The following MISP variants were observed in gnomAD, a reference collection of about 807,000 sequenced individuals.
The protein encoded by MISP is mitotic interactor and substrate of PLK1.
Under a neutral mutation model 49.3 loss-of-function variants are expected in MISP, and 51 were observed. The ratio of observed to expected loss-of-function variants is 1.03; its 90% CI spans 0.83 to 1.31. The LOEUF is 1.31. MISP is among the 50% of genes most tolerant of loss of function. The pLI, the probability that MISP is intolerant of heterozygous loss-of-function variation, is 0.00. For missense variants in MISP, 1,084 were observed against 935.1 expected (o/e 1.16, Z -2.08); for synonymous variants, 444 against 392.6 (o/e 1.13, Z -1.55).
At chr19:749,202 G>A (rs530192421), upstream of MISP, among the ~76,000 whole-genome samples, 3 of 152,266 alleles carry the variant, frequency 2.0e-5, no homozygotes, top group East Asian at 1.9e-4. Flanking sequence ...GGCGTGGGAC[G>A]TCTCCACAGT....
At chr19:754,762 G>A (rs1473151289) in intron 1 of MISP, among the ~76,000 whole-genome samples, 1 of 152,236 alleles carries the variant, frequency 6.6e-6, no homozygotes, top group East Asian at 1.9e-4. Flanking sequence ...AGCAGAGGAA[G>A]CCGTGGAGAA....
intron 1 of MISP, among the ~76,000 whole-genome samples, chr19:753,385 T>C (rs1351192341): frequency 6.6e-6 from 1 of 151,166 alleles, no homozygotes; most frequent in East Asian, 1.9e-4. Context: ...TTTTTTCTTT[T>C]TTTCTTTTTT....
Position 757,603 on chromosome 19 carries a change from C to A in MISP, c.657C>A (p.Thr219=). 1.9e-6 allele frequency: 3 copies of A among 1,612,774 alleles called. No homozygotes were observed. The highest frequency in any genetic ancestry group is 2.5e-6 in the Non-Finnish European group (3 of 1,179,680). The change falls in exon 2 of 5, where the codon ACC becomes ACA. Residue 219 remains threonine (T), a synonymous_variant. Transcript: ENST00000215582. ...CTCATAGCTCCCCGGCCAGGGGGAC[C>A]CCTGCAGGCACAACCCCAGGGGCCA... ...GAPHSSPARG[T]PAGTTPGASQ...
intron 3 of MISP, among the ~76,000 whole-genome samples, chr19:760,690 A>G (rs1311894378): frequency 6.6e-6 from 1 of 151,246 alleles, no homozygotes; most frequent in Non-Finnish European, 1.5e-5. Context: ...TAAGAAAGAG[A>G]GAGAGAGAGA....
In MISP at chr19:757,026, C is replaced by G; in HGVS notation, c.80C>G (p.Thr27Ser). 2 of 1,606,492 alleles carry G rather than the reference C, an allele frequency of 1.2e-6. No individual in the cohort carries two copies. The highest frequency in any genetic ancestry group is 1.7e-6 in the Non-Finnish European group (2 of 1,176,632). The change falls in exon 2 of 5, where the codon ACC (threonine) becomes AGC (serine). Residue 27 changes from threonine to serine, a missense_variant. Transcript: ENST00000215582. ...ACCGGCCTGGTGCTGGATGGAGACACCAGCTACACATACCATCTGGTGTGC... is the reference window on the plus strand; with the variant it reads ...ACCGGCCTGGTGCTGGATGGAGACAGCAGCTACACATACCATCTGGTGTGC... ...RGTGLVLDGDTSYTYHLVCMG... is the reference protein window; with the variant it reads ...RGTGLVLDGDSSYTYHLVCMG...
At chr19:756,841 T>C (rs1406389936) in intron 1 of MISP, 49 bp from the exon 2 acceptor site, 12 of 954,548 alleles carry the variant, frequency 1.3e-5, no homozygotes, top group Non-Finnish European at 1.8e-5. Flanking sequence ...GCTGTTCCTC[T>C]CCCTAGGTGC....
At chr19:761,398 C>T (rs991284986) in intron 3 of MISP, among the ~76,000 whole-genome samples, 3 of 151,908 alleles carry the variant, frequency 2.0e-5, no homozygotes, top group African/African-American at 7.2e-5. Context: ...TTAAATAAAT[C>T]ATGAATGTTG....
At position 763,834 on chromosome 19, in the gene MISP, C is replaced by T. The variant is rs2033712987; in HGVS notation, c.*244C>T. ...AAGCTTTTGGGGATGAAATGGGACC[C>T]CTGCTGATTCTTTCTGCTTCTAAGA... is the stretch of plus-strand genomic sequence containing the variant. On this transcript the variant is annotated 3_prime_UTR_variant, in exon 5 of 5. Coordinates refer to ENST00000215582, the MANE Select transcript of MISP (RefSeq NM_173481.4). 1.9e-6 allele frequency: 1 copy of T among 514,936 alleles called. No homozygotes were observed. Among genetic ancestry groups the T allele is most frequent in the Non-Finnish European group, 3.5e-6 (1 of 285,824 alleles). 31.9% of individuals were successfully genotyped at this position (514,936 alleles called of 1,614,324 possible). A position where few individuals can be genotyped will look rare whatever the true frequency, so the allele number is the denominator to read the frequency against.
chr19:757,137 A>C lies in MISP; in HGVS notation c.191A>C (p.Gln64Pro). Residue 64 changes from glutamine (Q) to proline (P), a missense_variant, in exon 2 of 5, where the codon CAG becomes CCG. By Grantham distance (76) the Gln-to-Pro change is moderately conservative. Transcript: ENST00000215582. ...DHRAQQGVQRQGVSYSVHAYT... is the reference protein window; with the variant it reads ...DHRAQQGVQRPGVSYSVHAYT... Reference sequence around the variant, plus strand: ...AGGGCCCAGCAGGGCGTGCAGAGGCAGGGGGTGTCCTACAGCGTGCATGCC... The same window carrying C: ...AGGGCCCAGCAGGGCGTGCAGAGGCCGGGGGTGTCCTACAGCGTGCATGCC... 1.2e-6 allele frequency: 2 copies of C among 1,613,280 alleles called. No individual in the cohort carries two copies. The highest frequency in any genetic ancestry group is 1.7e-6 in the Non-Finnish European group (2 of 1,179,886).
rs767075435 is a variant in MISP at position 758,186 on chromosome 19, G to A, written c.1240G>A (p.Val414Met). ...DARAADPAPE[V>M]RKVNRIPPDA... is the part of the protein sequence containing the mutation. ...CCGTGCGGCCGACCCAGCTCCAGAA[G>A]TGAGGAAGGTGAACCGCATCCCACC... Residue 414 changes from valine (V) to methionine (M), a missense_variant, in exon 2 of 5, where the codon GTG becomes ATG. Coordinates refer to ENST00000215582, the MANE Select transcript of MISP (RefSeq NM_173481.4). 5 of 1,612,856 alleles carry A rather than the reference G, an allele frequency of 3.1e-6. No homozygotes were observed. The Admixed American group carries it at 8.3e-5, about 27-fold the overall frequency.
rs752331808 is a variant in MISP at position 758,085 on chromosome 19, G to A, written c.1139G>A (p.Trp380Ter). 53 of 1,580,692 alleles carry A rather than the reference G, an allele frequency of 3.4e-5. No individual in the cohort carries two copies. Among genetic ancestry groups the A allele is most frequent in the Non-Finnish European group, 4.4e-5 (51 of 1,164,338 alleles). The change falls in exon 2 of 5, where the codon TGG (tryptophan) becomes TAG (stop). Residue 380 changes from tryptophan (W) to a stop codon, truncating the protein, a stop_gained. Coordinates refer to ENST00000215582, the MANE Select transcript of MISP (RefSeq NM_173481.4). LOFTEE classifies it high-confidence loss of function. ...LHVGRASTPD[W>*]VSEGPQPGLR... is the part of the protein sequence containing the mutation. ...GTGGGCCGGGCGTCCACACCCGACT[G>A]GGTCTCGGAGGGTCCCCAGCCCGGA...
At chr19:750,944 G>A (rs558063147), upstream of MISP, among the ~76,000 whole-genome samples, 16 of 152,244 alleles carry the variant, frequency 1.1e-4, no homozygotes, top group African/African-American at 3.1e-4. Context: ...AGCCGGCAGC[G>A]GGCACGGTGC....
chr19:756,967 C>A lies in MISP; in HGVS notation c.21C>A (p.Tyr7Ter). 6.3e-7 allele frequency: 1 copy of A among 1,578,248 alleles called. No homozygotes were observed. Among genetic ancestry groups the A allele is most frequent in the South Asian group, 1.1e-5 (1 of 87,232 alleles). Residue 7 changes from tyrosine to a stop codon, truncating the protein, a stop_gained, in exon 2 of 5, where the codon TAC becomes TAA. Transcript: ENST00000215582. LOFTEE classifies it high-confidence loss of function. ...AAGAGATGGACCGCGTGACCAGATA[C>A]CCCATCCTGGGCATCCCTCAGGCAC... The part of the protein sequence containing the change: MDRVTR[Y>*]PILGIPQAHR...
At position 752,554 on chromosome 19, in the gene MISP, C is replaced by T. The variant is rs188062293; in HGVS notation, c.-58+1383C>T. On this transcript the variant is annotated intron_variant, in intron 1 of 4. Coordinates refer to ENST00000215582, the MANE Select transcript of MISP (RefSeq NM_173481.4). The stretch of plus-strand genomic sequence containing the variant: ...AAAAAGCGGGGGGCGGGGGTGGGCA[C>T]TGAGGCACAGGCAGCAGGGGAGGGG... Among the ~76,000 whole-genome samples the T allele has an allele frequency of 7.1e-3, 1,038 of 146,474 alleles. 6 individuals carry two copies. Among genetic ancestry groups the T allele is most frequent in the Non-Finnish European group, 0.01 (683 of 66,522 alleles).
chr19:748,611 C>T (rs926258524), upstream of MISP, among the ~76,000 whole-genome samples: 1 of 152,182 alleles, frequency 6.6e-6, no homozygotes, highest in Non-Finnish European at 1.5e-5. Flanking sequence ...GTCCTTTGTT[C>T]CTCCCTTTGC....
chr19:749,102 C>T (rs927336945), upstream of MISP, among the ~76,000 whole-genome samples: 2 of 152,206 alleles, frequency 1.3e-5, no homozygotes, highest in East Asian at 3.9e-4. Flanking sequence ...CGTGCCACTG[C>T]ACTCCAACCT....
chr19:757,086 A>G lies in MISP; in HGVS notation c.140A>G (p.Glu47Gly). The change falls in exon 2 of 5, where the codon GAG becomes GGG. Residue 47 changes from glutamate to glycine, a missense_variant. Transcript: ENST00000215582. ...GAGGCCAGCGGCTGGGGCCAGGATG[A>G]GCCGCAGACATGGCCCACTGACCAC... is the stretch of plus-strand genomic sequence containing the variant. ...GPEASGWGQD[E>G]PQTWPTDHRA... 6.2e-7 allele frequency: 1 copy of G among 1,612,840 alleles called. No homozygotes were observed. The highest frequency in any genetic ancestry group is 8.5e-7 in the Non-Finnish European group (1 of 1,179,728).
In MISP at chr19:763,668, C is replaced by T; in HGVS notation, c.*78C>T. 9.7e-7 allele frequency: 1 copy of T among 1,025,642 alleles called. No individual in the cohort carries two copies. The allele number at this position is 1,025,642 out of a possible 1,614,324, so 63.5% of individuals were successfully genotyped here. A position where few individuals can be genotyped will look rare whatever the true frequency, so the allele number is the denominator to read the frequency against. On this transcript the variant is annotated 3_prime_UTR_variant, in exon 5 of 5. Coordinates refer to ENST00000215582, the MANE Select transcript of MISP (RefSeq NM_173481.4). ...GCCAAGACCATCGCCAAGCCCCCAC[C>T]CTAGGAAATGGGTCCTAGGTCCAGG...
chr19:757,212 A>G lies in MISP; in HGVS notation c.266A>G (p.Asp89Gly). 1 of 1,613,646 alleles carries G rather than the reference A, an allele frequency of 6.2e-7. No homozygotes were observed. Among genetic ancestry groups the G allele is most frequent in the Non-Finnish European group, 8.5e-7 (1 of 1,179,976 alleles). ...PRGLHSENRE[D>G]EGWQVYRLGA... is the part of the protein sequence containing the mutation. ...GGGCTCCACTCGGAGAACAGGGAGG[A>G]TGAGGGTTGGCAGGTTTACCGCCTG... The change falls in exon 2 of 5, where the codon GAT becomes GGT. Residue 89 changes from aspartate (D) to glycine (G), a missense_variant. Physicochemically the swap from Asp to Gly is moderately conservative, Grantham distance 94. Transcript: ENST00000215582.
Sources: gnomAD v4.1 joint callset for allele counts (sites outside exome capture counted in the v4.1 genomes callset) on GRCh38, gnomAD v4.1.1 for gene constraint, MANE v1.5 for transcripts, NCBI Gene and HGNC (gene_info 2026-07-23, HGNC 2026-07-21) for gene names.